Variants in CCDC18 observed in about 807,000 individuals in gnomAD.
CCDC18 encodes coiled-coil domain-containing protein 18.
In CCDC18, 157 loss-of-function variants were observed where a neutral mutation model predicts 196.0. The observed-to-expected ratio is 0.80, with a 90% CI of 0.70 to 0.91. The LOEUF is 0.91. CCDC18 is among the 40% of genes least tolerant of loss of function. CCDC18 has a pLI of 0.00. For missense variants in CCDC18, 1,465 were observed against 1,611.6 expected (o/e 0.91, Z 1.56); for synonymous variants, 482 against 529.2 (o/e 0.91, Z 1.22).
intron 2 of CCDC18, 94 bp downstream of exon 2, chr1:93,183,589 G>T: frequency 1.2e-6 from 1 of 854,258 alleles, no homozygotes; most frequent in Non-Finnish European, 1.7e-6. Flanking sequence ...TTTCTAACCT[G>T]CCTCTGGAAT....
chr1:93,208,037 AT>A (rs71586782), intron 9 of CCDC18, among the ~76,000 whole-genome samples: 75,305 of 152,046 alleles, frequency 0.5, 22,254 homozygotes, highest in South Asian at 0.68. Flanking sequence ...GGACATTTGG[AT>A]TGTTTCCACT....
intron 17 of CCDC18, among the ~76,000 whole-genome samples, chr1:93,228,922 AT>A (rs144431280): frequency 5.3e-5 from 8 of 149,846 alleles, no homozygotes; most frequent in South Asian, 2.1e-4. Flanking sequence ...AAATAGAACG[AT>A]TTTTTTTTTC....
intron 25 of CCDC18, among the ~76,000 whole-genome samples, chr1:93,257,037 C>T (rs894984245): frequency 6.6e-6 from 1 of 151,690 alleles, no homozygotes; most frequent in Non-Finnish European, 1.5e-5. Context: ...ACCAGCCTGG[C>T]CAATATGGTG....
At chr1:93,216,038 C>A (rs1656427259) in intron 12 of CCDC18, among the ~76,000 whole-genome samples, 2 of 152,162 alleles carry the variant, frequency 1.3e-5, no homozygotes, top group East Asian at 3.9e-4. Flanking sequence ...GCTTTCTCAG[C>A]TTAAAGTCTA....
intron 17 of CCDC18, among the ~76,000 whole-genome samples, chr1:93,228,092 C>G (rs1658692551): frequency 6.6e-6 from 1 of 150,490 alleles, no homozygotes; most frequent in Non-Finnish European, 1.5e-5. Context: ...CAAATTTATA[C>G]AGAGAATTAG....
At chr1:93,268,025 T>C (rs1006304691) in intron 27 of CCDC18, among the ~76,000 whole-genome samples, 3 of 150,610 alleles carry the variant, frequency 2.0e-5, no homozygotes, top group African/African-American at 7.3e-5. Context: ...TCACGCTTCC[T>C]GACTACAGGG....
intron 27 of CCDC18, among the ~76,000 whole-genome samples, chr1:93,266,714 G>A (rs538486849): frequency 1.3e-5 from 2 of 152,146 alleles, no homozygotes; most frequent in African/African-American, 4.8e-5. Flanking sequence ...TAAAGTCCTC[G>A]ACACATACAC....
intron 14 of CCDC18, among the ~76,000 whole-genome samples, chr1:93,218,849 T>C (rs1656943589): frequency 6.6e-6 from 1 of 152,216 alleles, no homozygotes; most frequent in African/African-American, 2.4e-5. Flanking sequence ...CTGTGAGTCA[T>C]CTTTGAGAAC....
At chr1:93,269,039 G>GTGA (rs1664923714) in intron 27 of CCDC18, among the ~76,000 whole-genome samples, 1 of 152,012 alleles carries the variant, frequency 6.6e-6, no homozygotes, top group African/African-American at 2.4e-5. Flanking sequence ...ATGTCCATCA[G>GTGA]TGATAGACTA....
chr1:93,269,101 A>G (rs1035423426), intron 27 of CCDC18, among the ~76,000 whole-genome samples: 4 of 152,180 alleles, frequency 2.6e-5, no homozygotes, highest in African/African-American at 9.7e-5. Flanking sequence ...CAGCCATAAA[A>G]AAGGATGAGT....
chr1:93,191,913 C>T lies in CCDC18; in HGVS notation c.463-87C>T, dbSNP rs114881068. 3.4e-3 allele frequency: 2,797 copies of T among 812,934 alleles called. 55 individuals are homozygous for T. The African/African-American group carries it at 0.04, about 12-fold the overall frequency. 50.4% of individuals were successfully genotyped at this position (812,934 alleles called of 1,614,324 possible). On this transcript the variant is annotated intron_variant, in intron 4 of 28. Transcript: ENST00000690025. ...CCAATGATTTGGGAGCCCTATTGAA[C>T]ACCCTCATCTGACAGGAAAAAAACT...
intron 14 of CCDC18, among the ~76,000 whole-genome samples, chr1:93,220,802 C>T (rs966219655): frequency 2.0e-5 from 3 of 152,134 alleles, no homozygotes; most frequent in Admixed American, 2.0e-4. Flanking sequence ...CCCTATAGGC[C>T]TCAGTATGTG....
At chr1:93,212,078 T>C (rs1335759317) in intron 10 of CCDC18, 23 bp from the exon 11 acceptor site, 1 of 1,575,136 alleles carries the variant, frequency 6.3e-7, no homozygotes, top group East Asian at 2.3e-5. Flanking sequence ...TAATAATTTT[T>C]CCCTTCTTTT....
At chr1:93,246,508 T>G (rs1284310454) in intron 22 of CCDC18, among the ~76,000 whole-genome samples, 1 of 152,180 alleles carries the variant, frequency 6.6e-6, no homozygotes, top group Non-Finnish European at 1.5e-5. Context: ...TAGCACTTTT[T>G]GTCCAGCATA....
chr1:93,248,101 C>T (rs573437473), intron 23 of CCDC18, among the ~76,000 whole-genome samples: 12 of 149,998 alleles, frequency 8.0e-5, no homozygotes, highest in African/African-American at 2.7e-4. Context: ...CTGCAACCTC[C>T]GCCTCCCGGG....
intron 1 of CCDC18, 58 bp downstream of exon 1, chr1:93,180,910 A>G (rs1458485049): frequency 3.0e-6 from 4 of 1,354,566 alleles, no homozygotes; most frequent in Non-Finnish European, 3.9e-6. Context: ...GGCGTGGGGA[A>G]ACCGGCTTAC....
At chr1:93,232,641 T>A (rs778138416) in intron 18 of CCDC18, 48 bp downstream of exon 18, 2 of 1,383,566 alleles carry the variant, frequency 1.4e-6, no homozygotes, top group Non-Finnish European at 2.0e-6. Context: ...AAATAGAAAT[T>A]TTTAAAATCA....
chr1:93,217,258 G>T (rs1656657316), intron 13 of CCDC18, among the ~76,000 whole-genome samples: 1 of 152,082 alleles, frequency 6.6e-6, no homozygotes, highest in Non-Finnish European at 1.5e-5. Context: ...ATCCTAATAG[G>T]ATTGAAGATA....
intron 16 of CCDC18, among the ~76,000 whole-genome samples, chr1:93,223,910 C>T (rs1012176453): frequency 3.2e-5 from 3 of 94,380 alleles, no homozygotes; most frequent in Non-Finnish European, 6.7e-5. Context: ...TACACACACA[C>T]ACACACACAC....
Sources: gnomAD v4.1 joint callset for allele counts (sites outside exome capture counted in the v4.1 genomes callset) on GRCh38, gnomAD v4.1.1 for gene constraint, MANE v1.5 for transcripts, NCBI Gene and HGNC (gene_info 2026-07-23, HGNC 2026-07-21) for gene names.